The following ARHGAP21 variants were observed in gnomAD, a reference collection of about 807,000 sequenced individuals.
The protein encoded by ARHGAP21 is rho GTPase-activating protein 21.
ARHGAP21 carries 38 observed loss-of-function variants against 164.6 expected under a neutral mutation model. The ratio of observed to expected loss-of-function variants is 0.23; its 90% CI spans 0.18 to 0.30. The LOEUF is 0.30. ARHGAP21 is among the 10% of genes least tolerant of loss of function. The pLI is 1.00. For synonymous variants in ARHGAP21, 766 were observed against 857.9 expected, an observed-to-expected ratio of 0.89 and a Z score of 1.87; for missense variants, 1,822 against 2,370.7, an observed-to-expected ratio of 0.77 and a Z score of 4.81.
chr10:24,595,581 A>G (rs61854259), intron 19 of ARHGAP21, 136 bp downstream of exon 19: 56,230 of 798,426 alleles, frequency 0.07, 2,348 homozygotes, highest in Admixed American at 0.13. Context: ...TGTTTTTAAT[A>G]TATGAGGGAG....
intron 2 of ARHGAP21, among the ~76,000 whole-genome samples, chr10:24,697,841 CAA>C (rs1288702609): frequency 6.6e-6 from 1 of 151,312 alleles, no homozygotes; most frequent in African/African-American, 2.4e-5. Context: ...GCCTGGGCGA[CAA>C]GAGCGAAACT....
rs1191509538 is a variant in ARHGAP21 at position 24,598,112 on chromosome 10, CACT to C, written c.3133-106_3133-104del. ...TACTGCTTTGCTTATTTAACACAAA[CACT>C]ACTATCATCTGTTCTCAGTGGAGCT... is the stretch of plus-strand genomic sequence containing the variant. On this transcript the variant is annotated intron_variant, in intron 14 of 25. Transcript: ENST00000396432. 4 of 838,652 alleles carry C rather than the reference CACT, an allele frequency of 4.8e-6. No individual in the cohort carries two copies. The Admixed American group carries it at 9.2e-5, about 19-fold the overall frequency. 52.0% of individuals were successfully genotyped at this position (838,652 alleles called of 1,614,324 possible). A position where few individuals can be genotyped will look rare whatever the true frequency, so the allele number is the denominator to read the frequency against.
intron 7 of ARHGAP21, chr10:24,622,987 C>A (rs2131220300): frequency 2.1e-6 from 1 of 473,548 alleles, no homozygotes; most frequent in Non-Finnish European, 3.7e-6. Context: ...ATGTGTCTAC[C>A]ATTCTTGAAA....
At chr10:24,668,977 G>C (rs7909388) in intron 3 of ARHGAP21, among the ~76,000 whole-genome samples, 4,956 of 152,156 alleles carry the variant, frequency 0.033, 233 homozygotes, top group African/African-American at 0.1. Flanking sequence ...TCTCATATGT[G>C]ACCTAATGCG....
chr10:24,589,422 A>G lies in ARHGAP21; in HGVS notation c.4151-120T>C, dbSNP rs577515932. 4.9e-5 allele frequency: 42 copies of G among 851,970 alleles called. No individual in the cohort carries two copies. In the South Asian group the frequency reaches 6.4e-4, roughly 13 times the overall value. The allele number at this position is 851,970 out of a possible 1,614,324, so 52.8% of individuals were successfully genotyped here. On this transcript the variant is annotated intron_variant, in intron 24 of 25. Coordinates refer to ENST00000396432, the MANE Select transcript of ARHGAP21 (RefSeq NM_020824.4). ...AAATGTGAAAGCAAAACTCAAAACA[A>G]TAGAACACAGTGGATAGTCAGAGCT...
intron 4 of ARHGAP21, among the ~76,000 whole-genome samples, chr10:24,663,001 G>C (rs1246696164): frequency 6.7e-6 from 1 of 148,806 alleles, no homozygotes; most frequent in Non-Finnish European, 1.5e-5. Context: ...GGTATTCATA[G>C]TAACACAAGG....
chr10:24,590,347 C>G, intron 24 of ARHGAP21: 1 of 1,535,226 alleles, frequency 6.5e-7, no homozygotes. Flanking sequence ...TTACAAGAAT[C>G]GGGGATTTCT....
At chr10:24,692,710 T>TA (rs1842850443) in intron 2 of ARHGAP21, among the ~76,000 whole-genome samples, 2 of 152,154 alleles carry the variant, frequency 1.3e-5, no homozygotes, top group Admixed American at 6.5e-5. Flanking sequence ...CAGACACCTA[T>TA]AATCCCAGCT....
chr10:24,695,312 T>C (rs1565177869), intron 2 of ARHGAP21, among the ~76,000 whole-genome samples: 1 of 152,130 alleles, frequency 6.6e-6, no homozygotes, highest in Admixed American at 6.5e-5. Context: ...CTCACGCCTA[T>C]AATCCCAGCA....
chr10:24,586,419 C>T (rs180785609), intron 25 of ARHGAP21, among the ~76,000 whole-genome samples: 2 of 152,284 alleles, frequency 1.3e-5, no homozygotes, highest in Admixed American at 1.3e-4. Flanking sequence ...CCTGACCTTC[C>T]CTCCTTCCAC....
At position 24,627,596 on chromosome 10, in the gene ARHGAP21, G is replaced by C. The variant is rs186426812; in HGVS notation, c.495+2400C>G. Among the ~76,000 whole-genome samples, 307 of 152,248 alleles carry C rather than the reference G, an allele frequency of 2.0e-3. 1 individual carries two copies. The highest frequency in any genetic ancestry group is 7.1e-3 in the African/African-American group (296 of 41,554). ...GTATACCAGAACTCTTTACTGCTGAGCCTTGAAGATCTGCATGCTCATGTT... is the reference window on the plus strand; with the variant it reads ...GTATACCAGAACTCTTTACTGCTGACCCTTGAAGATCTGCATGCTCATGTT... On this transcript the variant is annotated intron_variant, in intron 7 of 25. Coordinates refer to ENST00000396432, the MANE Select transcript of ARHGAP21 (RefSeq NM_020824.4).
At chr10:24,704,266 C>T (rs1843991821) in intron 2 of ARHGAP21, among the ~76,000 whole-genome samples, 3 of 150,368 alleles carry the variant, frequency 2.0e-5, no homozygotes, top group Admixed American at 2.0e-4. Context: ...TTACTTTATG[C>T]TAAGTTCTAC....
chr10:24,615,949 AT>A (rs893813961), intron 9 of ARHGAP21, among the ~76,000 whole-genome samples: 8 of 150,246 alleles, frequency 5.3e-5, no homozygotes, highest in Non-Finnish European at 8.9e-5. Flanking sequence ...ATATTTTTGT[AT>A]TTTTTTTTGT....
At chr10:24,692,570 G>A (rs1211186686) in intron 2 of ARHGAP21, among the ~76,000 whole-genome samples, 9 of 152,186 alleles carry the variant, frequency 5.9e-5, no homozygotes, top group South Asian at 2.1e-4. Context: ...CATGGCTCAC[G>A]CATATAATCC....
chr10:24,605,369 G>A (rs894325129), intron 11 of ARHGAP21, among the ~76,000 whole-genome samples: 7 of 152,204 alleles, frequency 4.6e-5, no homozygotes, highest in Non-Finnish European at 8.8e-5. Flanking sequence ...GAAACATACA[G>A]TCCTGCCATC....
At position 24,584,821 on chromosome 10, in the gene ARHGAP21, T is replaced by C. The variant is rs773747570; in HGVS notation, c.5468A>G (p.Glu1823Gly). Reference sequence around the variant, plus strand: ...TTCAGATTCTCTCTCCCCGCTCTGCTCATGCACTTTCCAAAAATTCAAAAC... The same window carrying C: ...TTCAGATTCTCTCTCCCCGCTCTGCCCATGCACTTTCCAAAAATTCAAAAC... ...ISVLNFWKVH[E>G]QSGERESELS... The change falls in exon 26 of 26, where the codon GAG becomes GGG. Residue 1823 changes from glutamate (E) to glycine (G), a missense_variant. By Grantham distance (98) the Glu-to-Gly change is moderately conservative (BLOSUM62 -2). Coordinates refer to ENST00000396432, the MANE Select transcript of ARHGAP21 (RefSeq NM_020824.4). The C allele has an allele frequency of 7.4e-6, 12 of 1,613,870 alleles. No individual in the cohort carries two copies. Among genetic ancestry groups the C allele is most frequent in the African/African-American group, 1.3e-5 (1 of 74,930 alleles).
At chr10:24,676,481 C>A (rs1841259542) in intron 2 of ARHGAP21, among the ~76,000 whole-genome samples, 1 of 152,144 alleles carries the variant, frequency 6.6e-6, no homozygotes, top group African/African-American at 2.4e-5. Context: ...GGGAGTTAAA[C>A]AATGGGTACA....
intron 2 of ARHGAP21, among the ~76,000 whole-genome samples, chr10:24,712,768 A>G (rs1045321829): frequency 6.6e-6 from 1 of 152,226 alleles, no homozygotes; most frequent in Admixed American, 6.5e-5. Flanking sequence ...ATTTCCTAAA[A>G]GGATTAGAAT....
At position 24,621,009 on chromosome 10, in the gene ARHGAP21, G is replaced by A; in HGVS notation, c.886C>T (p.His296Tyr). The change falls in exon 9 of 26, where the codon CAT becomes TAT. Residue 296 changes from histidine (H) to tyrosine (Y), a missense_variant. Physicochemically the swap from His to Tyr is moderately conservative, Grantham distance 83. This residue lies in a region of ARHGAP21 where 1,090 missense variants were observed against 1,378.9 expected (regional missense o/e 0.79). Coordinates refer to ENST00000396432, the MANE Select transcript of ARHGAP21 (RefSeq NM_020824.4). ...CCATACCTCACTTCTTCAGTTCTAT[G>A]TGAAGGACCTGTATGGTTGTTTCTA... ...SNRNNHTGPSHRTEEVRYGVS... is the reference protein window; with the variant it reads ...SNRNNHTGPSYRTEEVRYGVS... 1 of 1,614,016 alleles carries A rather than the reference G, an allele frequency of 6.2e-7. No homozygotes were observed.
Sources: allele counts gnomAD v4.1 joint callset (sites outside exome capture counted in the v4.1 genomes callset), GRCh38; gene constraint gnomAD v4.1.1; regional missense constraint gnomAD v4.1.1; transcripts MANE v1.5; gene names NCBI Gene and HGNC (gene_info 2026-07-23, HGNC 2026-07-21).